The following ENPP6 variants were observed in gnomAD, a reference collection of about 807,000 sequenced individuals.
ENPP6 encodes the protein glycerophosphocholine cholinephosphodiesterase ENPP6.
ENPP6 carries 32 observed loss-of-function variants against 42.0 expected under a neutral mutation model. That is an observed-to-expected ratio of 0.76 (90% CI 0.58 to 1.02). ENPP6 has a LOEUF of 1.02. ENPP6 is among the 50% of genes least tolerant of loss of function. The probability of loss-of-function intolerance (pLI) is 0.00; values close to 1 mark genes in which losing one functional copy is unlikely to be tolerated. For synonymous variants in ENPP6, 213 were observed against 216.0 expected (o/e 0.99, Z 0.12); for missense variants, 552 against 566.8 (o/e 0.97, Z 0.27).
At chr4:184,115,034 G>A (rs550676844) in intron 5 of ENPP6, among the ~76,000 whole-genome samples, 15 of 152,216 alleles carry the variant, frequency 9.9e-5, no homozygotes, top group Admixed American at 2.0e-4. Flanking sequence ...GGCTCCGTGA[G>A]TTATGATTTT....
intron 3 of ENPP6, among the ~76,000 whole-genome samples, chr4:184,120,012 C>T (rs1015777691): frequency 6.6e-6 from 1 of 152,150 alleles, no homozygotes; most frequent in African/African-American, 2.4e-5. Flanking sequence ...ATACACTACT[C>T]AAAGGGTAAC....
intron 1 of ENPP6, among the ~76,000 whole-genome samples, chr4:184,165,398 C>T (rs1237718695): frequency 6.6e-6 from 1 of 152,202 alleles, no homozygotes; most frequent in African/African-American, 2.4e-5. Context: ...CCAGTCCCAA[C>T]CAGGTCTCTG....
At chr4:184,116,823 GGCCCTCCTCC>G (rs1484603726) in intron 5 of ENPP6, 23 bp downstream of exon 5, 1 of 1,609,144 alleles carries the variant, frequency 6.2e-7, no homozygotes, top group Non-Finnish European at 8.5e-7. Context: ...GGGCCCACAT[GGCCCTCCTCC>G]GCCCCCCACG....
At chr4:184,206,251 A>ATTT (rs1554000365) in intron 1 of ENPP6, among the ~76,000 whole-genome samples, 22 of 93,370 alleles carry the variant, frequency 2.4e-4, no homozygotes, top group Non-Finnish European at 3.1e-4. Context: ...GGAAGCTTGA[A>ATTT]TTTTTTTTTT....
intron 1 of ENPP6, among the ~76,000 whole-genome samples, chr4:184,169,754 A>C (rs978607228): frequency 6.6e-6 from 1 of 152,234 alleles, no homozygotes; most frequent in African/African-American, 2.4e-5. Flanking sequence ...ACCGGTGGCA[A>C]ATCTCACAAG....
chr4:184,110,448 CTAATTTTGTATTCA>C (rs1199563400), intron 6 of ENPP6, among the ~76,000 whole-genome samples: 1 of 152,176 alleles, frequency 6.6e-6, no homozygotes, highest in Non-Finnish European at 1.5e-5. Context: ...ATCCCTGTAC[CTAATTTTGTATTCA>C]TAACTGTGTA....
At chr4:184,099,754 C>T (rs932370857) in intron 6 of ENPP6, among the ~76,000 whole-genome samples, 1 of 152,242 alleles carries the variant, frequency 6.6e-6, no homozygotes, top group African/African-American at 2.4e-5. Context: ...AGGTTTCTTT[C>T]ACTTACTGCA....
chr4:184,212,063 A>C (rs1348715561), intron 1 of ENPP6, among the ~76,000 whole-genome samples: 2 of 151,642 alleles, frequency 1.3e-5, no homozygotes, highest in African/African-American at 4.9e-5. Flanking sequence ...AACTCTCAAT[A>C]AATTAGGTAT....
intron 2 of ENPP6, among the ~76,000 whole-genome samples, chr4:184,143,984 T>C (rs1736874751): frequency 6.6e-6 from 1 of 152,176 alleles, no homozygotes; most frequent in Admixed American, 6.5e-5. Flanking sequence ...GCGAAGTCCC[T>C]CTAACAGCGC....
chr4:184,092,201 C>G (rs951216854), intron 7 of ENPP6, among the ~76,000 whole-genome samples: 1 of 152,034 alleles, frequency 6.6e-6, no homozygotes, highest in Non-Finnish European at 1.5e-5. Context: ...ATCGAGGTCA[C>G]AGGTCTTGAT....
chr4:184,156,751 G>T (rs1057270799), intron 1 of ENPP6, among the ~76,000 whole-genome samples: 2 of 152,226 alleles, frequency 1.3e-5, no homozygotes, highest in Non-Finnish European at 2.9e-5. Flanking sequence ...CCCATAGCTA[G>T]AACTGCTGTA....
chr4:184,147,590 G>C (rs891807535), intron 2 of ENPP6, among the ~76,000 whole-genome samples: 1 of 151,894 alleles, frequency 6.6e-6, no homozygotes, highest in Admixed American at 6.6e-5. Context: ...GACCAGACTG[G>C]GCAACATAGT....
chr4:184,163,842 G>A (rs1324058042), intron 1 of ENPP6, among the ~76,000 whole-genome samples: 1 of 152,218 alleles, frequency 6.6e-6, no homozygotes, highest in Admixed American at 6.5e-5. Flanking sequence ...GGTTACATTT[G>A]AGGCACATCA....
chr4:184,134,890 A>G (rs183540229), intron 2 of ENPP6, among the ~76,000 whole-genome samples: 4 of 151,486 alleles, frequency 2.6e-5, no homozygotes, highest in Admixed American at 2.0e-4. Flanking sequence ...GTCTTATGCC[A>G]CTACATCATA....
chr4:184,125,964 G>A (rs1736496789), intron 2 of ENPP6, among the ~76,000 whole-genome samples: 1 of 152,096 alleles, frequency 6.6e-6, no homozygotes, highest in Admixed American at 6.5e-5. Context: ...TCCACCTTGT[G>A]CTCAGTGCCA....
intron 6 of ENPP6, among the ~76,000 whole-genome samples, chr4:184,106,538 A>G (rs11947922): frequency 0.62 from 94,631 of 151,622 alleles, 29,846 homozygotes; most frequent in East Asian, 0.85. Context: ...CAGCCTGGAG[A>G]GCACTTCCTC....
At chr4:184,200,401 G>A (rs11722235) in intron 1 of ENPP6, among the ~76,000 whole-genome samples, 122,008 of 152,050 alleles carry the variant, frequency 0.8, 49,666 homozygotes, top group East Asian at 0.98. Context: ...GTGGTGCGTG[G>A]AGGCCTCTCA....
chr4:184,217,435 C>T (rs956283889), intron 1 of ENPP6, 144 bp downstream of exon 1: 3 of 1,209,014 alleles, frequency 2.5e-6, no homozygotes, highest in Admixed American at 2.8e-5. Context: ...CAGCCAAGAA[C>T]ACAGATTTTT....
At chr4:184,120,803 C>T (rs901280739) in intron 3 of ENPP6, among the ~76,000 whole-genome samples, 1 of 152,200 alleles carries the variant, frequency 6.6e-6, no homozygotes, top group Non-Finnish European at 1.5e-5. Flanking sequence ...CCAAAGAGAA[C>T]ACTTGCAAAG....
Sources: allele counts gnomAD v4.1 joint callset (sites outside exome capture counted in the v4.1 genomes callset), GRCh38; gene constraint gnomAD v4.1.1; transcripts MANE v1.5; gene names NCBI Gene and HGNC (gene_info 2026-07-23, HGNC 2026-07-21).